Variants in UGT2A2 observed in about 807,000 individuals in gnomAD.
UGT2A2 encodes UDP glucuronosyltransferase family 2 member A2.
UGT2A2 carries 60 observed loss-of-function variants against 50.7 expected under a neutral mutation model. That is an observed-to-expected ratio of 1.18 (90% CI 0.96 to 1.47). The LOEUF is 1.47. UGT2A2 is among the 40% of genes most tolerant of loss of function. The pLI, the probability that UGT2A2 is intolerant of heterozygous loss-of-function variation, is 0.00. For missense variants in UGT2A2, 762 were observed against 634.0 expected (o/e 1.20, Z -2.17); for synonymous variants, 242 against 214.6 (o/e 1.13, Z -1.11).
At chr4:69,616,513 T>G (rs1311278263) in intron 1 of UGT2A2, among the ~76,000 whole-genome samples, 4 of 151,970 alleles carry the variant, frequency 2.6e-5, no homozygotes, top group African/African-American at 7.2e-5. Context: ...CTATTATGTA[T>G]ACATAATAAT....
intron 1 of UGT2A2, among the ~76,000 whole-genome samples, chr4:69,611,631 T>C (rs1368241718): frequency 6.6e-6 from 1 of 152,112 alleles, no homozygotes; most frequent in East Asian, 1.9e-4. Context: ...AGGGATTGCA[T>C]AAATTTAAAA....
Position 69,595,186 on chromosome 4 carries a change from A to T in UGT2A2, c.1087T>A (p.Trp363Arg), listed in dbSNP as rs367633762. The change falls in exon 4 of 6, where the codon TGG becomes AGG. Residue 363 changes from tryptophan (W) to arginine (R), a missense_variant. Physicochemically the swap from Trp to Arg is moderately radical, Grantham distance 101. Transcript: ENST00000604629. ...CCAAGAAGATCATTCTGGGGTATCC[A>T]ATCAAAGAGCTGAGTATTGTTTCCT... ...TLGNNTQLFD[W>R]IPQNDLLGHP... 1.4e-5 allele frequency: 23 copies of T among 1,613,738 alleles called. No individual in the cohort carries two copies. The highest frequency in any genetic ancestry group is 1.6e-5 in the Non-Finnish European group (19 of 1,179,876).
At chr4:69,600,553 GT>G (rs1213263969) in intron 1 of UGT2A2, among the ~76,000 whole-genome samples, 1 of 152,168 alleles carries the variant, frequency 6.6e-6, no homozygotes, top group Non-Finnish European at 1.5e-5. Context: ...GAAAGCCACA[GT>G]TTCCATCTCA....
At chr4:69,609,329 T>C (rs1443998393) in intron 1 of UGT2A2, among the ~76,000 whole-genome samples, 2 of 151,958 alleles carry the variant, frequency 1.3e-5, no homozygotes, top group Non-Finnish European at 2.9e-5. Context: ...TTTTTTCTTT[T>C]CTTTTCTACT....
chr4:69,620,469 G>A (rs972192783), intron 1 of UGT2A2, among the ~76,000 whole-genome samples: 3 of 148,540 alleles, frequency 2.0e-5, no homozygotes, highest in African/African-American at 7.5e-5. Context: ...ACTGCTCAAA[G>A]AAATCAGAGA....
intron 3 of UGT2A2, among the ~76,000 whole-genome samples, chr4:69,595,485 T>C (rs1718870650): frequency 6.6e-6 from 1 of 152,158 alleles, no homozygotes; most frequent in Non-Finnish European, 1.5e-5. Flanking sequence ...ACTTAAAAGC[T>C]TTTGGAAGTT....
intron 2 of UGT2A2, 29 bp downstream of exon 2, chr4:69,599,217 C>A: frequency 6.3e-7 from 1 of 1,585,454 alleles, no homozygotes; most frequent in Non-Finnish European, 8.5e-7. Context: ...TTATGAAGAG[C>A]ATAAAATCCT....
At chr4:69,612,258 TATAC>T (rs1167843030) in intron 1 of UGT2A2, among the ~76,000 whole-genome samples, 1 of 152,038 alleles carries the variant, frequency 6.6e-6, no homozygotes, top group Non-Finnish European at 1.5e-5. Context: ...AATTATTCCA[TATAC>T]TATCGTGAGT....
At chr4:69,620,139 C>A in intron 1 of UGT2A2, among the ~76,000 whole-genome samples, 1 of 151,918 alleles carries the variant, frequency 6.6e-6, no homozygotes, top group Non-Finnish European at 1.5e-5. Context: ...CCAGAGCAAT[C>A]AGGCAAGAGA....
At chr4:69,591,136 G>A (rs568890088) in intron 5 of UGT2A2, among the ~76,000 whole-genome samples, 1 of 152,072 alleles carries the variant, frequency 6.6e-6, no homozygotes, top group Non-Finnish European at 1.5e-5. Context: ...TTTTGTCAAT[G>A]AAATGAATCA....
chr4:69,595,912 C>T (rs1003896884), intron 3 of UGT2A2, among the ~76,000 whole-genome samples: 1 of 152,082 alleles, frequency 6.6e-6, no homozygotes, highest in African/African-American at 2.4e-5. Context: ...GACCATGGAG[C>T]TAACAAACTT....
intron 1 of UGT2A2, among the ~76,000 whole-genome samples, chr4:69,616,833 C>CTT (rs4148315): frequency 0.04 from 5,093 of 127,226 alleles, 210 homozygotes; most frequent in East Asian, 0.18. Context: ...ATTTTCTTTT[C>CTT]TTTTTTTTTT....
chr4:69,592,869 T>C (rs1457781754), intron 5 of UGT2A2, among the ~76,000 whole-genome samples: 4 of 152,076 alleles, frequency 2.6e-5, no homozygotes, highest in Non-Finnish European at 5.9e-5. Context: ...TTAACATTGT[T>C]GTAAAGACAC....
chr4:69,598,358 T>A (rs551808201), intron 2 of UGT2A2, among the ~76,000 whole-genome samples: 2 of 152,292 alleles, frequency 1.3e-5, no homozygotes. Context: ...GATAGTTAAA[T>A]ACATTGTTCC....
At chr4:69,635,385 C>T (rs1396102363) in intron 1 of UGT2A2, among the ~76,000 whole-genome samples, 3 of 152,160 alleles carry the variant, frequency 2.0e-5, no homozygotes, top group Non-Finnish European at 2.9e-5. Flanking sequence ...ATGGAGCCAT[C>T]CAGTTTCCAG....
intron 1 of UGT2A2, among the ~76,000 whole-genome samples, chr4:69,635,070 A>G (rs1302429622): frequency 6.6e-6 from 1 of 152,170 alleles, no homozygotes; most frequent in African/African-American, 2.4e-5. Context: ...AAAACATCCT[A>G]TCTACCCCCT....
intron 1 of UGT2A2, among the ~76,000 whole-genome samples, chr4:69,618,328 C>A (rs75049427): frequency 0.35 from 53,053 of 150,798 alleles, 9,656 homozygotes; most frequent in African/African-American, 0.43. Flanking sequence ...TAAATTAAGT[C>A]CAACCAGTAA....
At chr4:69,627,482 A>T (rs1054815056) in intron 1 of UGT2A2, among the ~76,000 whole-genome samples, 3 of 149,860 alleles carry the variant, frequency 2.0e-5, no homozygotes, top group Non-Finnish European at 4.5e-5. Flanking sequence ...GCAGGCAGGC[A>T]GGCAGGCATG....
chr4:69,638,782 T>G (rs1179709149), intron 1 of UGT2A2, 117 bp downstream of exon 1: 9 of 1,282,452 alleles, frequency 7.0e-6, no homozygotes, highest in African/African-American at 1.5e-5. Context: ...TACAGAGATA[T>G]AAGAAGTCCA....
Sources: gnomAD v4.1 joint callset for allele counts (sites outside exome capture counted in the v4.1 genomes callset) on GRCh38, gnomAD v4.1.1 for gene constraint, MANE v1.5 for transcripts, NCBI Gene and HGNC (gene_info 2026-07-23, HGNC 2026-07-21) for gene names.